Variants in TMEM167A observed in about 807,000 individuals in gnomAD.
TMEM167A encodes protein kish-A.
Under a neutral mutation model 11.6 loss-of-function variants are expected in TMEM167A, and 8 were observed. The observed-to-expected ratio is 0.69, with a 90% CI of 0.40 to 1.24. The LOEUF (loss-of-function observed/expected upper bound fraction) is 1.24. Among genes scored for constraint, TMEM167A ranks in the 50% most tolerant of loss-of-function variants. The probability of loss-of-function intolerance (pLI) is 0.01; values close to 1 mark genes in which losing one functional copy is unlikely to be tolerated. For missense variants in TMEM167A, 62 were observed against 87.0 expected, an observed-to-expected ratio of 0.71 and a Z score of 1.14; for synonymous variants, 22 against 28.0, an observed-to-expected ratio of 0.79 and a Z score of 0.67.
intron 2 of TMEM167A, chr5:83,064,300 G>C: frequency 1.9e-6 from 1 of 518,646 alleles, no homozygotes; most frequent in Non-Finnish European, 3.8e-6. Flanking sequence ...ACATATTCCT[G>C]CTCCCAAGGA....
At chr5:83,060,932 G>A (rs1744398361) in intron 3 of TMEM167A, among the ~76,000 whole-genome samples, 1 of 152,022 alleles carries the variant, frequency 6.6e-6, no homozygotes, top group Non-Finnish European at 1.5e-5. Flanking sequence ...CGTGTTAAAT[G>A]TTACATATAC....
chr5:83,077,177 G>T, intron 1 of TMEM167A, 144 bp downstream of exon 1: 1 of 1,171,262 alleles, frequency 8.5e-7, no homozygotes, highest in Non-Finnish European at 1.3e-6. Flanking sequence ...ATTCTCTCTG[G>T]TTGGCCGTGG....
intron 1 of TMEM167A, among the ~76,000 whole-genome samples, chr5:83,067,551 C>G (rs1000800769): frequency 6.6e-6 from 1 of 152,136 alleles, no homozygotes; most frequent in Non-Finnish European, 1.5e-5. Context: ...ACTGCCCAGG[C>G]TGAAGTGCAG....
chr5:83,061,857 G>T lies in TMEM167A; in HGVS notation c.148+20C>A. The stretch of plus-strand genomic sequence containing the variant: ...AACAATTTACAGCTGAAGAAATGGA[G>T]GGAGATTATAGACACTTACCAATTC... On this transcript the variant is annotated intron_variant, in intron 3 of 3. Coordinates refer to ENST00000502346, the MANE Select transcript of TMEM167A (RefSeq NM_174909.5). The T allele has an allele frequency of 6.2e-7, 1 of 1,603,012 alleles. No individual in the cohort carries two copies. Among genetic ancestry groups the T allele is most frequent in the Non-Finnish European group, 8.5e-7 (1 of 1,170,282 alleles).
At chr5:83,061,287 C>G (rs902264713) in intron 3 of TMEM167A, among the ~76,000 whole-genome samples, 12 of 152,222 alleles carry the variant, frequency 7.9e-5, no homozygotes, top group African/African-American at 2.9e-4. Flanking sequence ...TCTATACTAT[C>G]AACATGTGTG....
intron 1 of TMEM167A, among the ~76,000 whole-genome samples, chr5:83,066,409 T>C (rs1418002569): frequency 6.6e-6 from 1 of 152,194 alleles, no homozygotes; most frequent in Non-Finnish European, 1.5e-5. Context: ...AAAACAGTTA[T>C]AGATCTTAAG....
intron 3 of TMEM167A, among the ~76,000 whole-genome samples, chr5:83,060,789 C>T (rs1744396360): frequency 6.6e-6 from 1 of 151,392 alleles, no homozygotes; most frequent in African/African-American, 2.4e-5. Flanking sequence ...GGAGATCGTG[C>T]CACTGCACTC....
intron 1 of TMEM167A, among the ~76,000 whole-genome samples, chr5:83,069,708 T>C (rs1342099222): frequency 1.3e-5 from 2 of 152,100 alleles, no homozygotes; most frequent in African/African-American, 4.8e-5. Context: ...ATAGAACACA[T>C]CATACTGTAC....
At chr5:83,070,632 A>C (rs1284992844) in intron 1 of TMEM167A, among the ~76,000 whole-genome samples, 3 of 152,200 alleles carry the variant, frequency 2.0e-5, no homozygotes, top group Non-Finnish European at 4.4e-5. Context: ...GGTCAATACA[A>C]AGCTAAGGAA....
chr5:83,065,059 C>T lies in TMEM167A; in HGVS notation c.62G>A (p.Cys21Tyr). 6.2e-7 allele frequency: 1 copy of T among 1,604,020 alleles called. No homozygotes were observed. The highest frequency in any genetic ancestry group is 8.5e-7 in the Non-Finnish European group (1 of 1,177,870). ...LTVILLLICT[C>Y]AYIRSLAPSL... ...GGGTGCCAAGGATCGAATATAAGCA[C>T]AGGTACATATAAGCAGCAAGATTAC... The change falls in exon 2 of 4, where the codon TGT becomes TAT. Residue 21 changes from cysteine to tyrosine, a missense_variant. By Grantham distance (194) the Cys-to-Tyr change is radical. Coordinates refer to ENST00000502346, the MANE Select transcript of TMEM167A (RefSeq NM_174909.5).
intron 1 of TMEM167A, among the ~76,000 whole-genome samples, chr5:83,066,819 TCA>T (rs1744488027): frequency 6.6e-6 from 1 of 152,026 alleles, no homozygotes; most frequent in Non-Finnish European, 1.5e-5. Context: ...TAGTGAGATC[TCA>T]CAAGACTGGA....
intron 2 of TMEM167A, chr5:83,064,119 A>G (rs983920667): frequency 1.6e-5 from 6 of 378,662 alleles, no homozygotes; most frequent in African/African-American, 1.3e-4. Flanking sequence ...AAGTAGAAAT[A>G]AAGGTTTTAA....
intron 2 of TMEM167A, 43 bp downstream of exon 2, chr5:83,064,965 T>C (rs765637629): frequency 5.2e-6 from 6 of 1,148,020 alleles, no homozygotes; most frequent in South Asian, 2.7e-5. Flanking sequence ...ATTGAACATT[T>C]GTAAGAACTA....
At chr5:83,074,812 C>G (rs1432557638) in intron 1 of TMEM167A, among the ~76,000 whole-genome samples, 2 of 151,222 alleles carry the variant, frequency 1.3e-5, no homozygotes, top group Non-Finnish European at 2.9e-5. Flanking sequence ...CTCTTGTTGT[C>G]CAGGCTGGAG....
At chr5:83,070,247 C>T (rs911966886) in intron 1 of TMEM167A, among the ~76,000 whole-genome samples, 17 of 152,092 alleles carry the variant, frequency 1.1e-4, no homozygotes, top group South Asian at 2.1e-4. Flanking sequence ...CGACTGAGTA[C>T]GCAGGTTCTG....
chr5:83,062,667 G>A (rs1176334248), intron 2 of TMEM167A, among the ~76,000 whole-genome samples: 2 of 151,890 alleles, frequency 1.3e-5, no homozygotes. Context: ...AATCATCAAT[G>A]AATAGAGATA....
At chr5:83,061,413 T>C (rs950171599) in intron 3 of TMEM167A, among the ~76,000 whole-genome samples, 5 of 150,434 alleles carry the variant, frequency 3.3e-5, no homozygotes, top group African/African-American at 1.2e-4. Context: ...TCTAGTTTTA[T>C]TCTTTTTTTA....
chr5:83,061,976 G>C (rs936553526), intron 2 of TMEM167A, 65 bp from the exon 3 acceptor site: 1 of 1,294,426 alleles, frequency 7.7e-7, no homozygotes, highest in Admixed American at 1.7e-5. Flanking sequence ...TTATTCTCTT[G>C]ATATCATATA....
At chr5:83,064,601 A>G (rs1744454836) in intron 2 of TMEM167A, among the ~76,000 whole-genome samples, 1 of 152,146 alleles carries the variant, frequency 6.6e-6, no homozygotes, top group Non-Finnish European at 1.5e-5. Context: ...ATGCACAGCC[A>G]AGCAACAAAT....
Sources: gnomAD v4.1 joint callset for allele counts (sites outside exome capture counted in the v4.1 genomes callset) on GRCh38, gnomAD v4.1.1 for gene constraint, MANE v1.5 for transcripts, NCBI Gene and HGNC (gene_info 2026-07-23, HGNC 2026-07-21) for gene names.